Variants in ACP6 observed in about 807,000 individuals in gnomAD.
ACP6 encodes the protein acid phosphatase 6, lysophosphatidic, also known as lysophosphatidic acid phosphatase type 6.
ACP6 carries 48 observed loss-of-function variants against 48.1 expected under a neutral mutation model. That is an observed-to-expected ratio of 1.00 (90% CI 0.79 to 1.27). The LOEUF (loss-of-function observed/expected upper bound fraction) is 1.27. ACP6 is among the 50% of genes most tolerant of loss of function. ACP6 has a pLI of 0.00. For synonymous variants in ACP6, 172 were observed against 204.2 expected, an observed-to-expected ratio of 0.84 and a Z score of 1.34; for missense variants, 485 against 529.1, an observed-to-expected ratio of 0.92 and a Z score of 0.82.
At chr1:147,659,906 G>A in intron 1 of ACP6, 131 bp from the exon 2 acceptor site, 1 of 1,124,734 alleles carries the variant, frequency 8.9e-7, no homozygotes, top group African/African-American at 1.6e-5. Context: ...CTATGGGATG[G>A]AAGGAAAGAA....
intron 8 of ACP6, chr1:147,649,909 T>TA (rs587651953): frequency 3.1e-5 from 16 of 518,838 alleles, no homozygotes; most frequent in South Asian, 5.4e-5. Flanking sequence ...CTTCAATTAA[T>TA]AAAAAAAAGA....
chr1:147,670,131 G>GC lies in ACP6; in HGVS notation c.-84dup. The GC allele has an allele frequency of 1.5e-6, 2 of 1,334,376 alleles. No individual in the cohort carries two copies. Among genetic ancestry groups the GC allele is most frequent in the African/African-American group, 1.5e-5 (1 of 67,738 alleles). 82.7% of individuals were successfully genotyped at this position (1,334,376 alleles called of 1,614,324 possible). On this transcript the variant is annotated 5_prime_UTR_variant, in exon 1 of 10. The change abolishes the stop of an existing upstream ORF in the 5' untranslated region. Transcript: ENST00000583509. ...CTGCGGGCGCCGGGGCTCAGCGGGC[G>GC]CCCCCAAGTCCGCGGGAACCTGCGG... is the stretch of plus-strand genomic sequence containing the variant.
chr1:147,647,717 C>T (rs1570948939), intron 9 of ACP6, 151 bp from the exon 10 acceptor site: 2 of 1,023,882 alleles, frequency 2.0e-6, no homozygotes, highest in South Asian at 3.4e-5. Context: ...CGGTGAGCTT[C>T]CAGAATAAAA....
At chr1:147,649,813 A>T (rs587644104) in intron 8 of ACP6, 6 of 343,780 alleles carry the variant, frequency 1.7e-5, no homozygotes, top group African/African-American at 1.3e-4. Flanking sequence ...TTCAAACTAC[A>T]CAATCCATTA....
Position 147,646,421 on chromosome 1 carries a change from G to A in ACP6, c.*1002C>T, listed in dbSNP as rs1659623573. ...AGAAACCTGAGCTTGAGATATCTCA[G>A]CTCCCTGATCTGGAAGTTGTCAATA... is the stretch of plus-strand genomic sequence containing the variant. On this transcript the variant is annotated 3_prime_UTR_variant, in exon 10 of 10. Transcript: ENST00000583509. 1 of 152,166 alleles carries A rather than the reference G, an allele frequency of 6.6e-6. No individual in the cohort carries two copies. The highest frequency in any genetic ancestry group is 1.5e-5 in the Non-Finnish European group (1 of 68,046). The allele number at this position is 152,166 out of a possible 1,614,324, so 9.4% of individuals were successfully genotyped here.
intron 1 of ACP6, among the ~76,000 whole-genome samples, chr1:147,663,368 T>C (rs1473280317): frequency 6.6e-6 from 1 of 152,196 alleles, no homozygotes; most frequent in Non-Finnish European, 1.5e-5. Context: ...AAGAATAAGC[T>C]TTAGTGATCT....
At chr1:147,655,410 C>G (rs1553211458) in intron 4 of ACP6, among the ~76,000 whole-genome samples, 162 bp from the exon 5 acceptor site, 2 of 152,192 alleles carry the variant, frequency 1.3e-5, no homozygotes, top group Non-Finnish European at 1.5e-5. Flanking sequence ...TCAACATGCC[C>G]TGGCCCTGCC....
rs771090693 is a variant in ACP6, at chr1:147,659,785, CA to C, written c.220-11del. The C allele has an allele frequency of 3.7e-5, 60 of 1,606,814 alleles. No homozygotes were observed. The highest frequency in any genetic ancestry group is 2.4e-4 in the Admixed American group (14 of 58,366). ...GGGGGTTCCACTCTACCTGTTAGTA[CA>C]AAAAAAACACACCACATTGTTTAAA... is the stretch of plus-strand genomic sequence containing the variant. On this transcript the variant is annotated splice_polypyrimidine_tract_variant and intron_variant, in intron 1 of 9. Transcript: ENST00000583509.
intron 1 of ACP6, among the ~76,000 whole-genome samples, chr1:147,669,617 G>A (rs1340567341): frequency 6.6e-6 from 1 of 152,250 alleles, no homozygotes; most frequent in Non-Finnish European, 1.5e-5. Flanking sequence ...CGCCATCAGG[G>A]CAAAACTGGA....
Position 147,643,404 on chromosome 1 carries a change from A to T in ACP6, c.*4019T>A, listed in dbSNP as rs1370156837. ...ATGTCAACATATGGATTTAGGGGGG[A>T]CACAATTCAGCCCATGACAGAAGGT... On this transcript the variant is annotated 3_prime_UTR_variant, in exon 10 of 10. Transcript: ENST00000583509. 1 of 152,162 alleles carries T rather than the reference A, an allele frequency of 6.6e-6. No individual in the cohort carries two copies. Among genetic ancestry groups the T allele is most frequent in the Non-Finnish European group, 1.5e-5 (1 of 68,042 alleles). The allele number at this position is 152,162 out of a possible 1,614,324, so 9.4% of individuals were successfully genotyped here.
At chr1:147,654,610 G>A (rs1660137932) in intron 5 of ACP6, among the ~76,000 whole-genome samples, 2 of 152,142 alleles carry the variant, frequency 1.3e-5, no homozygotes, top group Admixed American at 1.3e-4. Flanking sequence ...GCATGGCCCA[G>A]GTCTGTCTGA....
Position 147,659,399 on chromosome 1 carries a change from A to C in ACP6, c.476T>G (p.Val159Gly). 1 of 1,613,794 alleles carries C rather than the reference A, an allele frequency of 6.2e-7. No individual in the cohort carries two copies. Among genetic ancestry groups the C allele is most frequent in the Non-Finnish European group, 8.5e-7 (1 of 1,179,848 alleles). ...FLSPTFNPQE[V>G]FIRSTNIFRN... is the part of the protein sequence containing the mutation. ...CATCCCCTTTCAAGTGACTCACAAGACCTCCTGTGGGTTGAAGGTTGGTGA... is the reference window on the plus strand; with the variant it reads ...CATCCCCTTTCAAGTGACTCACAAGCCCTCCTGTGGGTTGAAGGTTGGTGA... The change falls in exon 3 of 10, where the codon GTC becomes GGC. Residue 159 changes from valine to glycine, a missense_variant. Val to Gly is a moderately radical substitution (Grantham distance 109, BLOSUM62 -3). Transcript: ENST00000583509.
intron 8 of ACP6, among the ~76,000 whole-genome samples, chr1:147,649,588 G>A (rs1659807745): frequency 6.6e-6 from 1 of 152,118 alleles, no homozygotes; most frequent in Admixed American, 6.5e-5. Flanking sequence ...GAGACTAAAG[G>A]TGCGTGCCAC....
chr1:147,670,014 G>C lies in ACP6; in HGVS notation c.35C>G (p.Thr12Ser). Residue 12 changes from threonine (T) to serine (S), a missense_variant, in exon 1 of 10, where the codon ACC (threonine) becomes AGC (serine). Transcript: ENST00000583509. ...CAGCGAGGTCAGGACGCCCACTGGGGTCCACAAGCGCATGCTGAACACACC... is the reference window on the plus strand; with the variant it reads ...CAGCGAGGTCAGGACGCCCACTGGGCTCCACAAGCGCATGCTGAACACACC... Reference protein sequence around the residue: ...ITGVFSMRLWTPVGVLTSLAY... With the variant: ...ITGVFSMRLWSPVGVLTSLAY... 6.5e-7 allele frequency: 1 copy of C among 1,544,796 alleles called. No homozygotes were observed. Among genetic ancestry groups the C allele is most frequent in the Non-Finnish European group, 8.7e-7 (1 of 1,144,040 alleles).
intron 5 of ACP6, among the ~76,000 whole-genome samples, chr1:147,637,147 G>A (rs1553208122): frequency 6.6e-6 from 1 of 152,146 alleles, no homozygotes; most frequent in Non-Finnish European, 1.5e-5. Context: ...CTGACCACAT[G>A]AAAAGCAAAA....
intron 1 of ACP6, among the ~76,000 whole-genome samples, chr1:147,665,557 C>T (rs587663577): frequency 1.5e-3 from 226 of 152,296 alleles, no homozygotes; most frequent in African/African-American, 5.1e-3. Context: ...CTTTGTGTTC[C>T]CAGTGCTCCC....
intron 8 of ACP6, among the ~76,000 whole-genome samples, 177 bp from the exon 9 acceptor site, chr1:147,648,588 C>A (rs1255598919): frequency 1.3e-5 from 2 of 152,184 alleles, no homozygotes; most frequent in Non-Finnish European, 2.9e-5. Context: ...CTTGTTCCCA[C>A]TCCCCGTGTC....
chr1:147,639,882 A>C (rs1001380607), downstream of ACP6, among the ~76,000 whole-genome samples: 3 of 151,980 alleles, frequency 2.0e-5, no homozygotes, highest in African/African-American at 7.3e-5. Flanking sequence ...CAATATAAAC[A>C]GCTCTACCAA....
intron 5 of ACP6, among the ~76,000 whole-genome samples, chr1:147,636,780 C>G (rs587674683): frequency 2.8e-4 from 43 of 152,296 alleles, no homozygotes; most frequent in South Asian, 1.0e-3. Context: ...AATTAGAAAG[C>G]TCACAAGATA....
Sources: allele counts gnomAD v4.1 joint callset (sites outside exome capture counted in the v4.1 genomes callset), GRCh38; gene constraint gnomAD v4.1.1; transcripts MANE v1.5; gene names NCBI Gene and HGNC (gene_info 2026-07-23, HGNC 2026-07-21).